DLG2: variants seen among roughly 807,000 people sequenced by gnomAD.
The protein encoded by DLG2 is discs large MAGUK scaffold protein 2.
In DLG2, 45 loss-of-function variants were observed where a neutral mutation model predicts 132.5. The ratio of observed to expected loss-of-function variants is 0.34; its 90% CI spans 0.27 to 0.44. The LOEUF (loss-of-function observed/expected upper bound fraction) is 0.44. DLG2 is among the 20% of genes least tolerant of loss of function. The probability of loss-of-function intolerance (pLI) is 1.00; values close to 1 mark genes in which losing one functional copy is unlikely to be tolerated. For synonymous variants in DLG2, 424 were observed against 419.6 expected (o/e 1.01, Z -0.13); for missense variants, 1,045 against 1,196.9 (o/e 0.87, Z 1.87).
intron 4 of DLG2, among the ~76,000 whole-genome samples, chr11:85,221,675 T>G (rs189423520): frequency 6.6e-6 from 1 of 152,306 alleles, no homozygotes; most frequent in East Asian, 1.9e-4. Context: ...TTATTTAATA[T>G]TCACATCAAC....
chr11:83,506,571 C>G (rs1414381429), intron 21 of DLG2, among the ~76,000 whole-genome samples: 1 of 152,182 alleles, frequency 6.6e-6, no homozygotes, highest in East Asian at 1.9e-4. Context: ...TGCCTGGCAC[C>G]TGCCTCAGGG....
intron 17 of DLG2, among the ~76,000 whole-genome samples, chr11:83,824,119 C>T (rs942003223): frequency 3.9e-5 from 6 of 152,238 alleles, no homozygotes; most frequent in South Asian, 2.1e-4. Flanking sequence ...GAAATCACAG[C>T]GCAGTATCCA....
chr11:83,786,324 T>C (rs1383222748), intron 18 of DLG2: 1 of 192,682 alleles, frequency 5.2e-6, no homozygotes, highest in Admixed American at 5.2e-5. Flanking sequence ...TATGGTCTAC[T>C]GGTCTATTTC....
At position 84,337,397 on chromosome 11, in the gene DLG2, A is replaced by T. The variant is rs573096070; in HGVS notation, c.520-86106T>A. Among the ~76,000 whole-genome samples the T allele has an allele frequency of 5.3e-5, 8 of 152,296 alleles. No individual in the cohort carries two copies. The East Asian group carries it at 1.5e-3, about 29-fold the overall frequency. On this transcript the variant is annotated intron_variant, in intron 7 of 27. Coordinates refer to ENST00000376104, the MANE Select transcript of DLG2 (RefSeq NM_001142699.3). The stretch of plus-strand genomic sequence containing the variant: ...CATATTCATTGTAGAAAAGTTAGAA[A>T]ATTCACATAAGCAAAGAGAAAAATT...
At position 85,380,180 on chromosome 11, in the gene DLG2, T is replaced by C. The variant is rs560916528; in HGVS notation, c.41-94815A>G. Among the ~76,000 whole-genome samples the C allele has an allele frequency of 3.3e-5, 5 of 152,154 alleles. No homozygotes were observed. The East Asian group carries it at 5.8e-4, about 18-fold the overall frequency. On this transcript the variant is annotated intron_variant, in intron 3 of 27. Transcript: ENST00000376104. ...CTAGAGATACAAAAAATGTAAGACA[T>C]GATCCTTTGTGAAAAAGTTTACAAT...
intron 18 of DLG2, among the ~76,000 whole-genome samples, chr11:83,651,103 T>C (rs548077688): frequency 2.0e-5 from 3 of 152,198 alleles, no homozygotes; most frequent in Non-Finnish European, 4.4e-5. Context: ...CCTAAAACTC[T>C]ATGGAGGAAG....
At chr11:84,982,579 A>C (rs778435318) in intron 6 of DLG2, among the ~76,000 whole-genome samples, 7 of 152,082 alleles carry the variant, frequency 4.6e-5, no homozygotes, top group Non-Finnish European at 8.8e-5. Context: ...ACTCATGTGA[A>C]CCACCCCAGT....
intron 17 of DLG2, among the ~76,000 whole-genome samples, chr11:83,795,441 A>G (rs12787353): frequency 1.4e-5 from 2 of 147,426 alleles, no homozygotes; most frequent in African/African-American, 2.5e-5. Context: ...ATCTATATCT[A>G]TATATCTATA....
intron 3 of DLG2, among the ~76,000 whole-genome samples, chr11:85,555,132 T>C (rs1223488165): frequency 1.3e-5 from 2 of 151,894 alleles, no homozygotes; most frequent in Non-Finnish European, 2.9e-5. Context: ...TGCATTGGGT[T>C]TGTCTGTGCA....
At chr11:83,751,052 A>G (rs901183284) in intron 18 of DLG2, among the ~76,000 whole-genome samples, 2 of 152,236 alleles carry the variant, frequency 1.3e-5, no homozygotes, top group African/African-American at 4.8e-5. Context: ...ATATATTGAT[A>G]GTGTTCAATG....
intron 3 of DLG2, among the ~76,000 whole-genome samples, chr11:85,413,913 A>AT (rs942848499): frequency 5.9e-5 from 9 of 151,312 alleles, no homozygotes; most frequent in Admixed American, 2.0e-4. Context: ...GACATTTAGA[A>AT]TTTTTTTTTA....
intron 7 of DLG2, among the ~76,000 whole-genome samples, chr11:84,424,790 G>T (rs554438765): frequency 6.6e-6 from 1 of 152,174 alleles, no homozygotes; most frequent in Admixed American, 6.5e-5. Context: ...ATCAAAGCAC[G>T]TGTGTTTTAT....
chr11:84,151,215 G>A (rs1344355657), intron 9 of DLG2, among the ~76,000 whole-genome samples: 8 of 148,172 alleles, frequency 5.4e-5, no homozygotes, highest in Admixed American at 1.3e-4. Context: ...TTTTTTTTCT[G>A]ATTCAGTTTC....
chr11:84,909,747 G>A (rs2091893691), intron 6 of DLG2, among the ~76,000 whole-genome samples: 1 of 152,108 alleles, frequency 6.6e-6, no homozygotes, highest in South Asian at 2.1e-4. Context: ...AAATTGCAGT[G>A]AACAAGATAG....
chr11:85,357,373 T>C (rs1329888303), intron 3 of DLG2, among the ~76,000 whole-genome samples: 1 of 150,118 alleles, frequency 6.7e-6, no homozygotes, highest in Non-Finnish European at 1.5e-5. Flanking sequence ...TTTGTATTTT[T>C]AGTAGAGAAG....
intron 10 of DLG2, among the ~76,000 whole-genome samples, chr11:84,061,667 C>T (rs1371089020): frequency 8.5e-5 from 13 of 152,092 alleles, no homozygotes; most frequent in Admixed American, 8.5e-4. Context: ...AATTTTGTAT[C>T]TGTTTTTGTG....
At chr11:84,409,974 G>A (rs114838670) in intron 7 of DLG2, among the ~76,000 whole-genome samples, 1 of 152,038 alleles carries the variant, frequency 6.6e-6, no homozygotes, top group African/African-American at 2.4e-5. Context: ...GACTCAAGAG[G>A]CTATTCAATG....
chr11:83,830,959 C>A (rs74665690), intron 17 of DLG2, among the ~76,000 whole-genome samples: 1,880 of 152,150 alleles, frequency 0.012, 44 homozygotes, highest in African/African-American at 0.043. Context: ...GAATGTAAGC[C>A]AGGATGATGA....
intron 6 of DLG2, among the ~76,000 whole-genome samples, chr11:85,002,941 A>G (rs2058340785): frequency 6.6e-6 from 1 of 151,998 alleles, no homozygotes; most frequent in Non-Finnish European, 1.5e-5. Flanking sequence ...TCTATTCTCC[A>G]GCTTAATTTA....
Sources: allele counts gnomAD v4.1 joint callset (sites outside exome capture counted in the v4.1 genomes callset), GRCh38; gene constraint gnomAD v4.1.1; transcripts MANE v1.5; gene names NCBI Gene and HGNC (gene_info 2026-07-23, HGNC 2026-07-21).